KANK3: variants seen among roughly 807,000 people sequenced by gnomAD.
KANK3 encodes the protein KN motif and ankyrin repeat domain-containing protein 3.
KANK3 carries 61 observed loss-of-function variants against 65.4 expected under a neutral mutation model. The observed-to-expected ratio is 0.93, with a 90% CI of 0.76 to 1.15. The LOEUF is 1.15. Among genes scored for constraint, KANK3 ranks in the 50% most tolerant of loss-of-function variants. The probability of loss-of-function intolerance (pLI) is 0.00; values close to 1 mark genes in which losing one functional copy is unlikely to be tolerated. For synonymous variants in KANK3, 586 were observed against 543.3 expected, an observed-to-expected ratio of 1.08 and a Z score of -1.09; for missense variants, 1,187 against 1,178.8, an observed-to-expected ratio of 1.01 and a Z score of -0.10.
rs952752028 is a variant in KANK3, at chr19:8,335,568, C to T, written c.259G>A (p.Gly87Ser). The T allele has an allele frequency of 2.5e-6, 3 of 1,219,314 alleles. No individual in the cohort carries two copies. Among genetic ancestry groups the T allele is most frequent in the Non-Finnish European group, 3.1e-6 (3 of 973,056 alleles). The allele number at this position is 1,219,314 out of a possible 1,614,324, so 75.5% of individuals were successfully genotyped here. ...RPGLAGARSP[G>S]AWTSSESLAS... ...AGGGACTCGCTGGATGTCCAGGCGC[C>T]TGGGCTACGTGCGCCCGCGAGGCCG... The change falls in exon 3 of 11, where the codon GGC becomes AGC. Residue 87 changes from glycine (G) to serine (S), a missense_variant. By Grantham distance (56) the Gly-to-Ser change is moderately conservative (BLOSUM62 0). This residue lies in a region of KANK3 where 5 missense variants were observed against 18.5 expected (regional missense o/e 0.27). Transcript: ENST00000330915.
rs139682067 is a variant in KANK3, at chr19:8,328,610, T to A, written c.1937-3514A>T. On this transcript the variant is annotated intron_variant, in intron 7 of 10. Coordinates refer to ENST00000330915, the MANE Select transcript of KANK3 (RefSeq NM_198471.3). ...GCAAAGAGACAAGGGGTGGGGGCAG[T>A]GAAACGGAGAGGGAGCAGTGGGTAA... is the stretch of plus-strand genomic sequence containing the variant. 3.8e-3 allele frequency among the ~76,000 whole-genome samples: 569 copies of A among 151,688 alleles called. 2 individuals carry two copies. Among genetic ancestry groups the A allele is most frequent in the Non-Finnish European group, 4.9e-3 (330 of 67,908 alleles).
intron 7 of KANK3, among the ~76,000 whole-genome samples, chr19:8,325,785 TTC>T (rs1970417551): frequency 6.6e-6 from 1 of 152,130 alleles, no homozygotes; most frequent in Non-Finnish European, 1.5e-5. Context: ...GCCTCCACCC[TTC>T]TCTCTGAATC....
chr19:8,330,939 T>C (rs1408588168), intron 7 of KANK3, among the ~76,000 whole-genome samples: 1 of 151,658 alleles, frequency 6.6e-6, no homozygotes. Flanking sequence ...GGCTAATGCT[T>C]GTAATCCCAG....
At chr19:8,331,173 C>T (rs142328451) in intron 7 of KANK3, among the ~76,000 whole-genome samples, 2,029 of 148,672 alleles carry the variant, frequency 0.014, 24 homozygotes, top group Non-Finnish European at 0.022. Context: ...CCAGCCTGGG[C>T]GACAGAGCAA....
intron 1 of KANK3, among the ~76,000 whole-genome samples, chr19:8,338,586 C>T (rs867877529): frequency 6.6e-6 from 1 of 151,958 alleles, no homozygotes; most frequent in South Asian, 2.1e-4. Flanking sequence ...TCATTAAAAA[C>T]TCATCTAGGC....
At chr19:8,343,051 C>T (rs1029724739) in intron 1 of KANK3, among the ~76,000 whole-genome samples, 174 bp downstream of exon 1, 2 of 152,238 alleles carry the variant, frequency 1.3e-5, no homozygotes, top group African/African-American at 4.8e-5. Flanking sequence ...CGCTACCCAC[C>T]TGGGACTTCC....
Position 8,335,451 on chromosome 19 carries a change from G to T in KANK3, c.376C>A (p.Arg126Ser), listed in dbSNP as rs1206343394. The T allele has an allele frequency of 8.2e-7, 1 of 1,225,522 alleles. No individual in the cohort carries two copies. The highest frequency in any genetic ancestry group is 3.6e-5 in the South Asian group (1 of 27,732). The allele number at this position is 1,225,522 out of a possible 1,614,324, so 75.9% of individuals were successfully genotyped here. A position where few individuals can be genotyped will look rare whatever the true frequency, so the allele number is the denominator to read the frequency against. ...AGCGTGTGCTCGACGCGCGGGTTGC[G>T]CACGGGCGCGCGCGGCGACAGCGGC... ...MQPLSPRAPV[R>S]NPRVEHTLRE... The change falls in exon 3 of 11, where the codon CGC becomes AGC. Residue 126 changes from arginine to serine, a missense_variant. Physicochemically the swap from Arg to Ser is moderately radical, Grantham distance 110. Transcript: ENST00000330915.
Position 8,335,408 on chromosome 19 carries a change from C to A in KANK3, c.419G>T (p.Arg140Leu). 1 of 1,204,028 alleles carries A rather than the reference C, an allele frequency of 8.3e-7. No individual in the cohort carries two copies. The highest frequency in any genetic ancestry group is 1.0e-6 in the Non-Finnish European group (1 of 969,924). 74.6% of individuals were successfully genotyped at this position (1,204,028 alleles called of 1,614,324 possible). The change falls in exon 3 of 11, where the codon CGG becomes CTG. Residue 140 changes from arginine to leucine, a missense_variant. Physicochemically the swap from Arg to Leu is moderately radical, Grantham distance 102. Transcript: ENST00000330915. ...VEHTLRETSR[R>L]LELAQTHERA... ...CTCGTGTGTCTGCGCCAGCTCCAGC[C>A]GCCGGCTGGTCTCCCGGAGCGTGTG...
At chr19:8,340,934 A>T (rs988390374) in intron 1 of KANK3, among the ~76,000 whole-genome samples, 3 of 152,148 alleles carry the variant, frequency 2.0e-5, no homozygotes, top group African/African-American at 7.2e-5. Flanking sequence ...GGGTTGTGGA[A>T]AAAGTCCAGA....
At chr19:8,325,189 G>C in intron 7 of KANK3, 93 bp from the exon 8 acceptor site, 1 of 1,385,760 alleles carries the variant, frequency 7.2e-7, no homozygotes, top group Admixed American at 2.5e-5. Context: ...CACAGCACCT[G>C]CATATGGGGT....
intron 1 of KANK3, among the ~76,000 whole-genome samples, chr19:8,341,002 G>T (rs1177548075): frequency 1.3e-5 from 2 of 152,044 alleles, no homozygotes; most frequent in Non-Finnish European, 2.9e-5. Flanking sequence ...GACGCAATGG[G>T]GTCAGCGTCC....
At position 8,335,143 on chromosome 19, in the gene KANK3, G is replaced by A; in HGVS notation, c.684C>T (p.Arg228=). ...RAEKARLLAG[R]AQPEPDGEAE... is the part of the protein sequence containing the mutation. Reference sequence around the variant, plus strand: ...CCTCCCCGTCCGGCTCGGGCTGCGCGCGCCCGGCCAGCAGCCGCGCCTTCT... The same window carrying A: ...CCTCCCCGTCCGGCTCGGGCTGCGCACGCCCGGCCAGCAGCCGCGCCTTCT... The change falls in exon 3 of 11, where the codon CGC becomes CGT. Residue 228 remains arginine, a synonymous_variant. Transcript: ENST00000330915. 2 of 1,224,362 alleles carry A rather than the reference G, an allele frequency of 1.6e-6. No individual in the cohort carries two copies. The highest frequency in any genetic ancestry group is 2.0e-6 in the Non-Finnish European group (2 of 984,382). The allele number at this position is 1,224,362 out of a possible 1,614,324, so 75.8% of individuals were successfully genotyped here. A position where few individuals can be genotyped will look rare whatever the true frequency, so the allele number is the denominator to read the frequency against.
At chr19:8,327,328 C>T (rs751090226) in intron 7 of KANK3, among the ~76,000 whole-genome samples, 34 of 151,890 alleles carry the variant, frequency 2.2e-4, no homozygotes, top group Non-Finnish European at 4.0e-4. Flanking sequence ...ATAGGAAGAC[C>T]CCCCCATCTC....
At chr19:8,324,359 A>T in intron 10 of KANK3, 90 bp downstream of exon 10, 1 of 1,188,084 alleles carries the variant, frequency 8.4e-7, no homozygotes, top group South Asian at 1.4e-5. Flanking sequence ...ACCTTTGGGG[A>T]GCAGAAAGGG....
intron 7 of KANK3, 83 bp from the exon 8 acceptor site, chr19:8,325,179 C>CA: frequency 2.8e-6 from 4 of 1,449,820 alleles, no homozygotes; most frequent in Middle Eastern, 2.5e-4. Flanking sequence ...AAGCCTCGGG[C>CA]ACAGCACCTG....
chr19:8,334,271 C>G (rs1309443167), intron 4 of KANK3, 49 bp downstream of exon 4: 5 of 1,608,864 alleles, frequency 3.1e-6, no homozygotes, highest in East Asian at 2.2e-5. Flanking sequence ...GGTTCCAACC[C>G]CAGTCTATGT....
Position 8,335,609 on chromosome 19 carries a change from G to A in KANK3, c.218C>T (p.Pro73Leu), listed in dbSNP as rs202190603. The part of the protein sequence containing the change: ...RAPGPPTSRR[P>L]RAPRPGLAGA... ...CGCGAGGCCGGGCCGGGGCGCGCGG[G>A]GACGGCGCGAGGTCGGGGGTCCCGG... Residue 73 changes from proline (P) to leucine (L), a missense_variant, in exon 3 of 11, where the codon CCC (proline) becomes CTC (leucine). By Grantham distance (98) the Pro-to-Leu change is moderately conservative. Coordinates refer to ENST00000330915, the MANE Select transcript of KANK3 (RefSeq NM_198471.3). The A allele has an allele frequency of 9.9e-3, 12,230 of 1,236,222 alleles. 74 individuals are homozygous for A. The highest frequency in any genetic ancestry group is 0.011 in the Non-Finnish European group (10,958 of 986,136). The allele number at this position is 1,236,222 out of a possible 1,614,324, so 76.6% of individuals were successfully genotyped here. A position where few individuals can be genotyped will look rare whatever the true frequency, so the allele number is the denominator to read the frequency against.
At chr19:8,339,784 C>T (rs112611673) in intron 1 of KANK3, among the ~76,000 whole-genome samples, 41 of 151,754 alleles carry the variant, frequency 2.7e-4, no homozygotes, top group Middle Eastern at 6.8e-3. Flanking sequence ...AATAAAATAG[C>T]GAAACCCCAT....
rs1374822950 is a variant in KANK3, at chr19:8,335,170, G to C, written c.657C>G (p.Ala219=). 3.0e-5 allele frequency: 36 copies of C among 1,213,410 alleles called. No individual in the cohort carries two copies. Among genetic ancestry groups the C allele is most frequent in the Non-Finnish European group, 3.7e-5 (36 of 977,264 alleles). The allele number at this position is 1,213,410 out of a possible 1,614,324, so 75.2% of individuals were successfully genotyped here. A position where few individuals can be genotyped will look rare whatever the true frequency, so the allele number is the denominator to read the frequency against. ...GCCCGGCCAGCAGCCGCGCCTTCTC[G>C]GCGCGCAGCGCGCGCACCTGCTCCT... The part of the protein sequence containing the change: ...ELQEQVRALR[A]EKARLLAGRA... The change falls in exon 3 of 11, where the codon GCC becomes GCG. Residue 219 remains alanine, a synonymous_variant. Transcript: ENST00000330915.
Sources: allele counts gnomAD v4.1 joint callset (sites outside exome capture counted in the v4.1 genomes callset), GRCh38; gene constraint gnomAD v4.1.1; regional missense constraint gnomAD v4.1.1; transcripts MANE v1.5; gene names NCBI Gene and HGNC (gene_info 2026-07-23, HGNC 2026-07-21).